The following SYNPR variants were observed in gnomAD, a reference collection of about 807,000 sequenced individuals.
SYNPR encodes synaptoporin.
Under a neutral mutation model 32.9 loss-of-function variants are expected in SYNPR, and 23 were observed. That is an observed-to-expected ratio of 0.70 (90% CI 0.50 to 0.99). SYNPR has a LOEUF of 0.99. Ranked by LOEUF, SYNPR falls within the 50% of genes least tolerant of loss-of-function variation. SYNPR has a pLI of 0.00. For missense variants in SYNPR, 318 were observed against 349.3 expected (o/e 0.91, Z 0.71); for synonymous variants, 146 against 135.9 (o/e 1.07, Z -0.52).
intron 3 of SYNPR, among the ~76,000 whole-genome samples, chr3:63,497,190 T>C (rs114935348): frequency 0.018 from 2,701 of 152,240 alleles, 82 homozygotes; most frequent in African/African-American, 0.061. Context: ...AATTAACAAA[T>C]TAATATTTAC....
intron 2 of SYNPR, among the ~76,000 whole-genome samples, chr3:63,311,403 A>G (rs571709246): frequency 9.9e-5 from 15 of 151,944 alleles, no homozygotes; most frequent in African/African-American, 2.9e-4. Context: ...GGGGTCCCCA[A>G]CCCCCGGGCC....
chr3:63,598,133 G>A (rs1249086541), intron 4 of SYNPR, among the ~76,000 whole-genome samples: 1 of 152,144 alleles, frequency 6.6e-6, no homozygotes, highest in Non-Finnish European at 1.5e-5. Context: ...AGACAATAAA[G>A]TCATTGGATT....
At chr3:63,297,054 T>C (rs1394837758) in intron 2 of SYNPR, among the ~76,000 whole-genome samples, 3 of 152,224 alleles carry the variant, frequency 2.0e-5, no homozygotes, top group Non-Finnish European at 4.4e-5. Flanking sequence ...GTGGTTACAA[T>C]ATTGGACAGC....
rs74877651 is a variant in SYNPR, at chr3:63,458,865, G to A, written c.85-21967G>A. 8.4e-3 allele frequency among the ~76,000 whole-genome samples: 1,283 copies of A among 152,016 alleles called. 56 individuals are homozygous for A. The East Asian group carries it at 0.13, about 16-fold the overall frequency. On this transcript the variant is annotated intron_variant, in intron 2 of 5. Transcript: ENST00000478300. The stretch of plus-strand genomic sequence containing the variant: ...CTCTCTTTCCTTGTAACCTATTTCT[G>A]TCAGTAAAAAGTGTCATTTTCCCAG...
intron 3 of SYNPR, among the ~76,000 whole-genome samples, chr3:63,272,499 G>A (rs771403955): frequency 2.1e-5 from 3 of 143,748 alleles, no homozygotes; most frequent in South Asian, 2.2e-4. Context: ...TGACCCAATC[G>A]TTCCATGGGC....
At chr3:63,289,081 C>A (rs907910745) in intron 2 of SYNPR, among the ~76,000 whole-genome samples, 2 of 152,128 alleles carry the variant, frequency 1.3e-5, no homozygotes, top group African/African-American at 4.8e-5. Context: ...ATTAGTAAAA[C>A]CTCCAGCAGT....
At position 63,452,170 on chromosome 3, in the gene SYNPR, T is replaced by C. The variant is rs1169802228; in HGVS notation, c.85-28662T>C. 4.3e-6 allele frequency: 3 copies of C among 699,806 alleles called. No individual in the cohort carries two copies. In the East Asian group the frequency reaches 8.1e-5, roughly 19 times the overall value. 43.3% of individuals were successfully genotyped at this position (699,806 alleles called of 1,614,324 possible). A position where few individuals can be genotyped will look rare whatever the true frequency, so the allele number is the denominator to read the frequency against. ...TTCATTTGTTCGTATGTTCATTCAT[T>C]TGTGCATTCTATGTAATACTGAGCA... On this transcript the variant is annotated intron_variant, in intron 2 of 5. Transcript: ENST00000478300.
intron 4 of SYNPR, among the ~76,000 whole-genome samples, chr3:63,587,858 G>A (rs1031921768): frequency 3.9e-5 from 6 of 152,084 alleles, no homozygotes; most frequent in East Asian, 3.9e-4. Context: ...GGATCCTCCC[G>A]TCTCAGCTTT....
intron 4 of SYNPR, among the ~76,000 whole-genome samples, chr3:63,583,178 T>A (rs1272057617): frequency 6.6e-6 from 1 of 151,998 alleles, no homozygotes; most frequent in Non-Finnish European, 1.5e-5. Flanking sequence ...GGTCAGTTGA[T>A]CAGTTGGGGC....
At chr3:63,498,746 A>G (rs935460334) in intron 3 of SYNPR, among the ~76,000 whole-genome samples, 35 of 152,068 alleles carry the variant, frequency 2.3e-4, no homozygotes, top group African/African-American at 8.4e-4. Flanking sequence ...AGGAGCCAGT[A>G]TCAGACATGG....
At position 63,471,989 on chromosome 3, in the gene SYNPR, A is replaced by C. The variant is rs542708580; in HGVS notation, c.85-8843A>C. 1.6e-4 allele frequency among the ~76,000 whole-genome samples: 25 copies of C among 152,320 alleles called. 1 individual carries two copies. In the South Asian group the frequency reaches 5.2e-3, roughly 32 times the overall value. On this transcript the variant is annotated intron_variant, in intron 2 of 5. Coordinates refer to ENST00000478300, the MANE Select transcript of SYNPR (RefSeq NM_001130003.2). ...GCTTTTCAAATATTCCTATCATGCC[A>C]GACTAACTCCCTCCCCACGGCAGCC...
chr3:63,599,630 G>A (rs1700008715), intron 4 of SYNPR, among the ~76,000 whole-genome samples: 2 of 152,016 alleles, frequency 1.3e-5, no homozygotes, highest in African/African-American at 4.8e-5. Flanking sequence ...TTTTCAGAAC[G>A]TATCCCTGTC....
chr3:63,468,532 G>A lies in SYNPR; in HGVS notation c.85-12300G>A, dbSNP rs188074572. The stretch of plus-strand genomic sequence containing the variant: ...ACACACACAAATGCTTAAGGGCCAC[G>A]TGGTGGCTCACGCCTGTAATCTCAA... On this transcript the variant is annotated intron_variant, in intron 2 of 5. Transcript: ENST00000478300. 5.3e-3 allele frequency among the ~76,000 whole-genome samples: 768 copies of A among 143,998 alleles called. 8 individuals carry two copies. The highest frequency in any genetic ancestry group is 0.021 in the African/African-American group (731 of 34,122). 94.5% of individuals were successfully genotyped at this position (143,998 alleles called of 152,430 possible).
chr3:63,207,464 A>G, the SYNPR span, among the ~76,000 whole-genome samples: 389 of 152,342 alleles, frequency 2.6e-3, 2 homozygotes, highest in African/African-American at 8.8e-3. Flanking sequence ...CTCATAGGAA[A>G]CATTTGTCAC....
intron 2 of SYNPR, among the ~76,000 whole-genome samples, chr3:63,353,904 T>A (rs974422116): frequency 1.3e-5 from 2 of 152,234 alleles, no homozygotes; most frequent in African/African-American, 4.8e-5. Context: ...GTGTTGCTTT[T>A]GGATCAACTA....
At chr3:63,396,456 C>T (rs1348335046) in intron 2 of SYNPR, among the ~76,000 whole-genome samples, 1 of 152,168 alleles carries the variant, frequency 6.6e-6, no homozygotes, top group Non-Finnish European at 1.5e-5. Flanking sequence ...CCAAGACATC[C>T]TAAATCAGTA....
chr3:63,563,613 T>C (rs1396839897), intron 4 of SYNPR, among the ~76,000 whole-genome samples: 1 of 152,148 alleles, frequency 6.6e-6, no homozygotes, highest in Non-Finnish European at 1.5e-5. Context: ...CTCTCTCCTG[T>C]TTATGTCAGT....
At chr3:63,418,126 C>A (rs996497343) in intron 2 of SYNPR, among the ~76,000 whole-genome samples, 3 of 152,208 alleles carry the variant, frequency 2.0e-5, no homozygotes, top group African/African-American at 7.2e-5. Context: ...ATCCAAGTCA[C>A]CTCTTGAATG....
chr3:63,401,207 C>T (rs910385390), intron 2 of SYNPR, among the ~76,000 whole-genome samples: 2 of 152,040 alleles, frequency 1.3e-5, no homozygotes, highest in East Asian at 1.9e-4. Context: ...AGATTGGTGG[C>T]GCAGGGGTGG....
Sources: allele counts gnomAD v4.1 joint callset (sites outside exome capture counted in the v4.1 genomes callset), GRCh38; gene constraint gnomAD v4.1.1; transcripts MANE v1.5; gene names NCBI Gene and HGNC (gene_info 2026-07-23, HGNC 2026-07-21).